ALOXE3: variants seen among roughly 807,000 people sequenced by gnomAD.
ALOXE3 encodes arachidonate epidermal lipoxygenase 3.
Under a neutral mutation model 87.5 loss-of-function variants are expected in ALOXE3, and 78 were observed. The ratio of observed to expected loss-of-function variants is 0.89; its 90% CI spans 0.74 to 1.08. The LOEUF (loss-of-function observed/expected upper bound fraction) is 1.08, where lower values mean the gene tolerates loss of function less well. Among genes scored for constraint, ALOXE3 ranks in the 50% least tolerant of loss-of-function variants. ALOXE3 has a pLI of 0.00. For synonymous variants in ALOXE3, 363 were observed against 370.8 expected, an observed-to-expected ratio of 0.98 and a Z score of 0.24; for missense variants, 946 against 912.4, an observed-to-expected ratio of 1.04 and a Z score of -0.47.
Position 8,109,446 on chromosome 17 carries a change from G to A in ALOXE3, c.1393-103C>T, listed in dbSNP as rs1430450141. On this transcript the variant is annotated intron_variant, in intron 11 of 15. Transcript: ENST00000448843. ...ACTCGGCCCAAGGAGGGCCTTCTTCGGTTCACCAAGCAATCCACGGATCAA... is the reference window on the plus strand; with the variant it reads ...ACTCGGCCCAAGGAGGGCCTTCTTCAGTTCACCAAGCAATCCACGGATCAA... 7 of 1,473,544 alleles carry A rather than the reference G, an allele frequency of 4.8e-6. No homozygotes were observed. In the East Asian group the frequency reaches 1.2e-4, roughly 25 times the overall value. The allele number at this position is 1,473,544 out of a possible 1,614,324, so 91.3% of individuals were successfully genotyped here.
rs4289055 is a variant in ALOXE3 at position 8,100,789 on chromosome 17, C to T, written c.1956+2534G>A. ...CTGTGCCATTGCACCTGGCTTAATACTTGATTTCTAAAACTGTAGTATAGC... is the reference window on the plus strand; with the variant it reads ...CTGTGCCATTGCACCTGGCTTAATATTTGATTTCTAAAACTGTAGTATAGC... On this transcript the variant is annotated intron_variant, in intron 15 of 15. Coordinates refer to ENST00000448843, the MANE Select transcript of ALOXE3 (RefSeq NM_021628.3). 3.3e-4 allele frequency among the ~76,000 whole-genome samples: 50 copies of T among 152,124 alleles called. No individual in the cohort carries two copies. In the South Asian group the frequency reaches 9.8e-3, roughly 30 times the overall value.
upstream of ALOXE3, chr17:8,118,785 C>A (rs915150559): frequency 2.6e-6 from 4 of 1,537,102 alleles, no homozygotes; most frequent in Non-Finnish European, 3.5e-6. Context: ...GCATTCTTTC[C>A]GCTCCAGGAC....
At chr17:8,114,665 C>A in intron 5 of ALOXE3, 56 bp from the exon 6 acceptor site, 1 of 1,609,758 alleles carries the variant, frequency 6.2e-7, no homozygotes, top group Non-Finnish European at 8.5e-7. Flanking sequence ...TGAAGCCCAG[C>A]TGCTCAACTC....
At chr17:8,106,852 G>A (rs1304458500) in intron 13 of ALOXE3, among the ~76,000 whole-genome samples, 1 of 152,138 alleles carries the variant, frequency 6.6e-6, no homozygotes, top group Non-Finnish European at 1.5e-5. Flanking sequence ...TCTGCAGAAT[G>A]TTCTGATGCA....
chr17:8,104,727 G>A (rs1457900686), intron 13 of ALOXE3, among the ~76,000 whole-genome samples: 1 of 152,218 alleles, frequency 6.6e-6, no homozygotes, highest in Non-Finnish European at 1.5e-5. Flanking sequence ...GGCAGAAAGG[G>A]GCACCAGGAG....
In ALOXE3 at chr17:8,118,177, C is replaced by A; in HGVS notation, c.-187G>T. 6.4e-7 allele frequency: 1 copy of A among 1,551,558 alleles called. No individual in the cohort carries two copies. Among genetic ancestry groups the A allele is most frequent in the Non-Finnish European group, 8.7e-7 (1 of 1,146,984 alleles). ...CCTGGGCTTTCTCTCTCCGAAGCTC[C>A]CTGCTGGCGGCTCGGGCTTCCTCTC... On this transcript the variant is annotated 5_prime_UTR_variant, in exon 2 of 16. Coordinates refer to ENST00000448843, the MANE Select transcript of ALOXE3 (RefSeq NM_021628.3).
chr17:8,099,121 G>A (rs1978761692), intron 15 of ALOXE3, among the ~76,000 whole-genome samples: 1 of 148,600 alleles, frequency 6.7e-6, no homozygotes, highest in Non-Finnish European at 1.5e-5. Flanking sequence ...GCTTCCCAAA[G>A]TGCTGGGATT....
At chr17:8,102,753 C>T (rs1469746805) in intron 15 of ALOXE3, among the ~76,000 whole-genome samples, 1 of 152,208 alleles carries the variant, frequency 6.6e-6, no homozygotes, top group Non-Finnish European at 1.5e-5. Context: ...CTGGGTTCCC[C>T]CAGACCCATT....
In ALOXE3 at chr17:8,108,593, C is replaced by T. The variant is rs1207775674; in HGVS notation, c.1563-4G>A. The T allele has an allele frequency of 6.2e-7, 1 of 1,610,286 alleles. No homozygotes were observed. The highest frequency in any genetic ancestry group is 8.5e-7 in the Non-Finnish European group (1 of 1,177,640). ...GCCCACGATTTCTGAGACAAAGCTG[C>T]AGGAAAGAGATGCTGGTACCACTGG... is the stretch of plus-strand genomic sequence containing the variant. On this transcript the variant is annotated splice_region_variant and splice_polypyrimidine_tract_variant and intron_variant, in intron 12 of 15. Transcript: ENST00000448843.
intron 4 of ALOXE3, among the ~76,000 whole-genome samples, chr17:8,115,295 G>T (rs914225768): frequency 2.0e-5 from 3 of 152,216 alleles, no homozygotes; most frequent in Non-Finnish European, 4.4e-5. Context: ...ATCATGGCCG[G>T]TTTAGTGGGG....
chr17:8,101,012 G>T (rs1348550689), intron 15 of ALOXE3, among the ~76,000 whole-genome samples: 5 of 144,712 alleles, frequency 3.5e-5, no homozygotes, highest in Non-Finnish European at 6.0e-5. Context: ...CCAGCACGGT[G>T]CCAAGCTGCT....
At chr17:8,112,695 A>T (rs3027213) in intron 6 of ALOXE3, among the ~76,000 whole-genome samples, 4 of 151,964 alleles carry the variant, frequency 2.6e-5, no homozygotes, top group Non-Finnish European at 5.9e-5. Flanking sequence ...GTACACTGGA[A>T]GGTAGAAGAG....
chr17:8,110,545 G>C lies in ALOXE3; in HGVS notation c.958-17C>G, dbSNP rs761658641. 3 of 1,613,638 alleles carry C rather than the reference G, an allele frequency of 1.9e-6. No individual in the cohort carries two copies. The East Asian group carries it at 6.7e-5, about 36-fold the overall frequency. On this transcript the variant is annotated splice_polypyrimidine_tract_variant and intron_variant, in intron 8 of 15. Coordinates refer to ENST00000448843, the MANE Select transcript of ALOXE3 (RefSeq NM_021628.3). ...GTTCCCCCTCTGCAGAAGGCACACA[G>C]AGGCTGAGTGTCCCTCCCTACTCGC...
rs749158616 is a variant in ALOXE3, at chr17:8,116,910, C to G, written c.218G>C (p.Arg73Pro). The part of the protein sequence containing the change: ...ELLLLRVHKE[R>P]YAFFRKDSWY... ...AGAGTCCTTGCGGAAGAAAGCGTAGCGCTCCTTGTGTACACGCAGCAGCAA... is the reference window on the plus strand; with the variant it reads ...AGAGTCCTTGCGGAAGAAAGCGTAGGGCTCCTTGTGTACACGCAGCAGCAA... The change falls in exon 3 of 16, where the codon CGC becomes CCC. Residue 73 changes from arginine (R) to proline (P), a missense_variant. Coordinates refer to ENST00000448843, the MANE Select transcript of ALOXE3 (RefSeq NM_021628.3). The G allele has an allele frequency of 1.9e-6, 3 of 1,614,132 alleles. No individual in the cohort carries two copies. The highest frequency in any genetic ancestry group is 2.5e-6 in the Non-Finnish European group (3 of 1,180,050).
chr17:8,111,983 A>C, intron 7 of ALOXE3, 110 bp downstream of exon 7: 1 of 1,002,756 alleles, frequency 1.0e-6, no homozygotes, highest in Non-Finnish European at 1.6e-6. Flanking sequence ...ACTCAAATCC[A>C]GCAGTCTCCC....
Position 8,103,462 on chromosome 17 carries a change from G to T in ALOXE3, c.1817C>A (p.Pro606Gln), listed in dbSNP as rs1979053477. 1 of 1,614,052 alleles carries T rather than the reference G, an allele frequency of 6.2e-7. No individual in the cohort carries two copies. The highest frequency in any genetic ancestry group is 1.3e-5 in the African/African-American group (1 of 74,916). The change falls in exon 15 of 16, where the codon CCA becomes CAA. Residue 606 changes from proline (P) to glutamine (Q), a missense_variant. Coordinates refer to ENST00000448843, the MANE Select transcript of ALOXE3 (RefSeq NM_021628.3). ...GGGTGGGGGCTGCCTCATGGATGATGGAGCATTGGGCATCCAGGCCCCAAA... is the reference window on the plus strand; with the variant it reads ...GGGTGGGGGCTGCCTCATGGATGATTGAGCATTGGGCATCCAGGCCCCAAA... ...HDFGAWMPNA[P>Q]SSMRQPPPQT... is the part of the protein sequence containing the mutation.
At position 8,112,015 on chromosome 17, in the gene ALOXE3, C is replaced by T. The variant is rs562525241; in HGVS notation, c.784+78G>A. On this transcript the variant is annotated intron_variant, in intron 7 of 15. Coordinates refer to ENST00000448843, the MANE Select transcript of ALOXE3 (RefSeq NM_021628.3). ...TCCCTGGGAGGGCTGGGAGAGGGCCCTTTCCCAGGAAGGAGAGGAAGGGGT... is the reference window on the plus strand; with the variant it reads ...TCCCTGGGAGGGCTGGGAGAGGGCCTTTTCCCAGGAAGGAGAGGAAGGGGT... 4.4e-5 allele frequency: 60 copies of T among 1,377,504 alleles called. 2 individuals are homozygous for T. In the South Asian group the frequency reaches 6.5e-4, roughly 15 times the overall value. The allele number at this position is 1,377,504 out of a possible 1,614,324, so 85.3% of individuals were successfully genotyped here. A position where few individuals can be genotyped will look rare whatever the true frequency, so the allele number is the denominator to read the frequency against.
rs1358261263 is a variant in ALOXE3 at position 8,111,492 on chromosome 17, C to G, written c.824G>C (p.Gly275Ala). 6.2e-7 allele frequency: 1 copy of G among 1,614,156 alleles called. No homozygotes were observed. The highest frequency in any genetic ancestry group is 8.5e-7 in the Non-Finnish European group (1 of 1,180,024). The change falls in exon 8 of 16, where the codon GGG becomes GCG. Residue 275 changes from glycine (G) to alanine (A), a missense_variant. By Grantham distance (60) the Gly-to-Ala change is moderately conservative. Coordinates refer to ENST00000448843, the MANE Select transcript of ALOXE3 (RefSeq NM_021628.3). The part of the protein sequence containing the change: ...TEHWCEDHFF[G>A]YQYLNGVNPV... ...ATTGACACCATTCAGGTACTGGTAC[C>G]CAAAGAAGTGATCTTCACACCAGTG...
intron 8 of ALOXE3, among the ~76,000 whole-genome samples, chr17:8,110,842 T>G (rs775926334): frequency 6.6e-6 from 1 of 152,174 alleles, no homozygotes; most frequent in Non-Finnish European, 1.5e-5. Context: ...CTGAGCACTA[T>G]GTATCCAGCA....
Sources: allele counts gnomAD v4.1 joint callset (sites outside exome capture counted in the v4.1 genomes callset), GRCh38; gene constraint gnomAD v4.1.1; transcripts MANE v1.5; gene names NCBI Gene and HGNC (gene_info 2026-07-23, HGNC 2026-07-21).